Variants in MAST3 observed in about 807,000 individuals in gnomAD.
MAST3 encodes the protein microtubule associated serine/threonine kinase 3.
Under a neutral mutation model 127.0 loss-of-function variants are expected in MAST3, and 43 were observed. That is an observed-to-expected ratio of 0.34 (90% confidence interval 0.27 to 0.44). The LOEUF (loss-of-function observed/expected upper bound fraction) is 0.44, where lower values mean the gene tolerates loss of function less well. Among genes scored for constraint, MAST3 ranks in the 20% least tolerant of loss-of-function variants. The pLI is 1.00. For missense variants in MAST3, 1,390 were observed against 1,919.1 expected (o/e 0.72, Z 5.15); for synonymous variants, 785 against 809.2 (o/e 0.97, Z 0.51).
intron 1 of MAST3, among the ~76,000 whole-genome samples, chr19:18,107,352 T>C (rs1372234671): frequency 6.6e-6 from 1 of 151,840 alleles, no homozygotes; most frequent in Non-Finnish European, 1.5e-5. Context: ...GGATGTTGAG[T>C]TCAGATCTGG....
Position 18,144,913 on chromosome 19 carries a change from AG to A in MAST3, c.2813-89del. The stretch of plus-strand genomic sequence containing the variant: ...GCTTGGGACATTGAAGCAACAGCAA[AG>A]TGGCCAGGGTGGTCGTTGTGGTGGG... On this transcript the variant is annotated intron_variant, in intron 23 of 27. Coordinates refer to ENST00000687212, the MANE Select transcript of MAST3 (RefSeq NM_001393504.1). The surrounding 1 kb of genome is among the most constrained non-coding windows in gnomAD (Gnocchi z 4.0). 2 of 881,076 alleles carry A rather than the reference AG, an allele frequency of 2.3e-6. No individual in the cohort carries two copies. Among genetic ancestry groups the A allele is most frequent in the Non-Finnish European group, 3.6e-6 (2 of 550,838 alleles). 54.6% of individuals were successfully genotyped at this position (881,076 alleles called of 1,614,324 possible).
At chr19:18,143,686 A>T in intron 21 of MAST3, 77 bp from the exon 22 acceptor site, 1 of 1,571,492 alleles carries the variant, frequency 6.4e-7, no homozygotes, top group Non-Finnish European at 8.6e-7. Context: ...GAGAGTTAAG[A>T]TGTGGCCATG....
Position 18,143,975 on chromosome 19 carries a change from C to A in MAST3, c.2552C>A (p.Thr851Asn). ...LGEPDPPPAA[T>N]PVMPKPSSLS... Reference sequence around the variant, plus strand: ...GAGCCTGACCCCCCACCAGCGGCCACCCCAGTGATGCCCAAGCCCTCGAGC... The same window carrying A: ...GAGCCTGACCCCCCACCAGCGGCCAACCCAGTGATGCCCAAGCCCTCGAGC... Residue 851 changes from threonine to asparagine, a missense_variant, in exon 22 of 28, where the codon ACC becomes AAC. Physicochemically the swap from Thr to Asn is moderately conservative, Grantham distance 65 (BLOSUM62 0). Coordinates refer to ENST00000687212, the MANE Select transcript of MAST3 (RefSeq NM_001393504.1). 6.3e-7 allele frequency: 1 copy of A among 1,587,962 alleles called. No individual in the cohort carries two copies. Among genetic ancestry groups the A allele is most frequent in the Non-Finnish European group, 8.6e-7 (1 of 1,167,228 alleles).
intron 20 of MAST3, among the ~76,000 whole-genome samples, chr19:18,140,041 G>A (rs760675074): frequency 1.3e-3 from 191 of 149,056 alleles, no homozygotes; most frequent in Middle Eastern, 7.5e-3. Flanking sequence ...GGATGGTCTC[G>A]ATCTCCTGAC....
chr19:18,125,099 C>A (rs1283097596), intron 11 of MAST3, among the ~76,000 whole-genome samples: 2 of 150,902 alleles, frequency 1.3e-5, no homozygotes, highest in African/African-American at 5.0e-5. Flanking sequence ...AGAGCGAGAC[C>A]CTGTCTCAAA....
At chr19:18,132,149 C>T (rs971306550) in intron 15 of MAST3, 102 bp downstream of exon 15, 21 of 1,487,580 alleles carry the variant, frequency 1.4e-5, no homozygotes, top group Admixed American at 1.3e-4. Context: ...AGGTGCATCC[C>T]GGGACCCTTC....
intron 19 of MAST3, 130 bp downstream of exon 19, chr19:18,137,491 T>C: frequency 9.9e-7 from 1 of 1,012,374 alleles, no homozygotes. Context: ...AGCTTCCGAC[T>C]TCCTGAGCCT....
intron 21 of MAST3, among the ~76,000 whole-genome samples, chr19:18,142,347 C>CTTTTTT (rs776007010): frequency 4.9e-5 from 6 of 122,200 alleles, no homozygotes; most frequent in Non-Finnish European, 8.4e-5. Flanking sequence ...GGAAGCTGGC[C>CTTTTTT]TTTTTTTTTT....
chr19:18,113,382 C>G (rs965940335), intron 3 of MAST3, among the ~76,000 whole-genome samples: 5 of 151,888 alleles, frequency 3.3e-5, no homozygotes, highest in African/African-American at 4.8e-5. Flanking sequence ...CCTCCTGGGT[C>G]AAGCGAGTCT....
Position 18,146,779 on chromosome 19 carries a change from G to A in MAST3, c.3163-102G>A, listed in dbSNP as rs2043057858. ...TGGATGAATGGATGCTGGGGTGGTG[G>A]GTCCCAGCTGGTGCCCGGAGTGAAG... is the stretch of plus-strand genomic sequence containing the variant. On this transcript the variant is annotated intron_variant, in intron 25 of 27. Transcript: ENST00000687212. The A allele has an allele frequency of 7.0e-6, 8 of 1,139,102 alleles. No homozygotes were observed. The East Asian group carries it at 1.6e-4, about 23-fold the overall frequency. The allele number at this position is 1,139,102 out of a possible 1,614,324, so 70.6% of individuals were successfully genotyped here.
chr19:18,099,676 C>T (rs1312789037), intron 1 of MAST3, among the ~76,000 whole-genome samples: 1 of 152,216 alleles, frequency 6.6e-6, no homozygotes, highest in African/African-American at 2.4e-5. Context: ...ACAGGCGTCC[C>T]TCCACGAAGG....
intron 2 of MAST3, 124 bp downstream of exon 2, chr19:18,107,742 T>A: frequency 9.2e-7 from 1 of 1,085,962 alleles, no homozygotes; most frequent in Non-Finnish European, 1.3e-6. Context: ...ATGTTCATTC[T>A]TGCCCTCGTG....
At chr19:18,104,429 C>G (rs1234720547) in intron 1 of MAST3, among the ~76,000 whole-genome samples, 1 of 151,936 alleles carries the variant, frequency 6.6e-6, no homozygotes, top group South Asian at 2.1e-4. Context: ...TGAAGTCAGG[C>G]CTGGGGTAAC....
intron 20 of MAST3, among the ~76,000 whole-genome samples, chr19:18,139,859 G>A (rs1209617359): frequency 5.7e-4 from 74 of 130,000 alleles, no homozygotes; most frequent in African/African-American, 1.9e-3. Flanking sequence ...TCGCTCTTTT[G>A]CCCAGGCTGG....
intron 3 of MAST3, among the ~76,000 whole-genome samples, chr19:18,116,632 G>T (rs910664455): frequency 1.4e-5 from 2 of 141,918 alleles, no homozygotes; most frequent in Non-Finnish European, 3.1e-5. Flanking sequence ...CCTGTTGGCT[G>T]GGCAAGGTGG....
At position 18,145,259 on chromosome 19, in the gene MAST3, C is replaced by T. The variant is rs138333608; in HGVS notation, c.3039+30C>T. On this transcript the variant is annotated intron_variant, in intron 24 of 27. Coordinates refer to ENST00000687212, the MANE Select transcript of MAST3 (RefSeq NM_001393504.1). This position sits in a 1 kb window ranked among gnomAD's most constrained non-coding sequence, Gnocchi z 5.9. ...GTGCCGAGTGGGAATGGCAGGGACC[C>T]GGGTTCTAGTTTGACTCTGCCCGGT... The T allele has an allele frequency of 7.4e-5, 118 of 1,600,176 alleles. 2 individuals are homozygous for T. The Middle Eastern group carries it at 1.2e-3, about 16-fold the overall frequency.
chr19:18,104,600 C>T (rs1315704524), intron 1 of MAST3, among the ~76,000 whole-genome samples: 1 of 152,154 alleles, frequency 6.6e-6, no homozygotes, highest in Non-Finnish European at 1.5e-5. Flanking sequence ...CGTGGGCAGC[C>T]TGGAGCCCAC....
intron 3 of MAST3, among the ~76,000 whole-genome samples, chr19:18,118,521 T>C (rs1276121082): frequency 2.0e-5 from 3 of 152,048 alleles, no homozygotes; most frequent in Non-Finnish European, 4.4e-5. Context: ...TGAGCTAGGA[T>C]TTGAACCCGG....
At chr19:18,098,775 G>C (rs1599629298) in intron 1 of MAST3, 1 of 456,588 alleles carries the variant, frequency 2.2e-6, no homozygotes. Flanking sequence ...TTTATGGAGC[G>C]CCTGCTGTGT....
Sources: allele counts gnomAD v4.1 joint callset (sites outside exome capture counted in the v4.1 genomes callset), GRCh38; gene constraint gnomAD v4.1.1; non-coding constraint Gnocchi (gnomAD v3.1); transcripts MANE v1.5; gene names NCBI Gene and HGNC (gene_info 2026-07-23, HGNC 2026-07-21).